The following CAPN3 variants were observed in gnomAD, a reference collection of about 807,000 sequenced individuals.
CAPN3 encodes the protein calpain 3, also known as calpain-3.
CAPN3 carries 88 observed loss-of-function variants against 114.0 expected under a neutral mutation model. The observed-to-expected ratio is 0.77, with a 90% CI of 0.65 to 0.92. The LOEUF is 0.92. Ranked by LOEUF, CAPN3 falls within the 40% of genes least tolerant of loss-of-function variation. The pLI, the probability that CAPN3 is intolerant of heterozygous loss-of-function variation, is 0.00. For synonymous variants in CAPN3, 386 were observed against 382.9 expected, an observed-to-expected ratio of 1.01 and a Z score of -0.09; for missense variants, 1,028 against 1,069.0, an observed-to-expected ratio of 0.96 and a Z score of 0.53.
At position 42,409,971 on chromosome 15, in the gene CAPN3, C is replaced by T. The variant is rs760776617; in HGVS notation, c.2091C>T (p.Cys697=). 2.5e-6 allele frequency: 4 copies of T among 1,612,190 alleles called. No homozygotes were observed. The highest frequency in any genetic ancestry group is 2.5e-6 in the Non-Finnish European group (3 of 1,179,872). The change falls in exon 19 of 24, where the codon TGC becomes TGT. Residue 697 remains cysteine (C), a synonymous_variant. Transcript: ENST00000397163. The stretch of plus-strand genomic sequence containing the variant: ...CACACGGGTTCACACTGGAGTCCTG[C>T]CGTAGCATGATTGCGCTCATGGATG... ...LKTHGFTLES[C]RSMIALMDTD... is the part of the protein sequence containing the mutation.
intron 14 of CAPN3, chr15:42,404,200 G>T: frequency 2.2e-6 from 1 of 457,888 alleles, no homozygotes. Flanking sequence ...GGGTGACCTG[G>T]ACAATTTCTG....
intron 17 of CAPN3, among the ~76,000 whole-genome samples, 192 bp downstream of exon 17, chr15:42,409,572 G>A (rs1051738584): frequency 6.6e-6 from 1 of 152,186 alleles, no homozygotes; most frequent in Non-Finnish European, 1.5e-5. Flanking sequence ...GGGGGGCTCA[G>A]AGGCCTTTTT....
chr15:42,386,596 C>T (rs113191638), intron 3 of CAPN3, among the ~76,000 whole-genome samples: 34 of 152,126 alleles, frequency 2.2e-4, no homozygotes, highest in Non-Finnish European at 4.3e-4. Flanking sequence ...TCAAGTAGGT[C>T]CCTAAGATAT....
intron 2 of CAPN3, among the ~76,000 whole-genome samples, chr15:42,385,136 TG>T (rs1566973835): frequency 6.6e-6 from 1 of 152,242 alleles, no homozygotes; most frequent in African/African-American, 2.4e-5. Flanking sequence ...GTATTGTCTT[TG>T]GTGTGGACTA....
chr15:42,378,884 C>A (rs1174061665), intron 1 of CAPN3, among the ~76,000 whole-genome samples: 2 of 151,916 alleles, frequency 1.3e-5, no homozygotes, highest in African/African-American at 2.4e-5. Context: ...TTTGAAATTT[C>A]TTCTTTGACC....
chr15:42,397,760 G>C (rs560593111), intron 9 of CAPN3, among the ~76,000 whole-genome samples: 4 of 151,638 alleles, frequency 2.6e-5, no homozygotes, highest in Admixed American at 6.6e-5. Context: ...TATATTTCTC[G>C]GGCTGGTCTC....
At chr15:42,405,057 G>C (rs139949810) in intron 14 of CAPN3, 1 of 979,164 alleles carries the variant, frequency 1.0e-6, no homozygotes, top group African/African-American at 1.8e-5. Flanking sequence ...GGGTCAACAG[G>C]AATGTTGGGG....
At chr15:42,372,202 C>T (rs1422004707) in intron 1 of CAPN3, among the ~76,000 whole-genome samples, 1 of 152,018 alleles carries the variant, frequency 6.6e-6, no homozygotes, top group African/African-American at 2.4e-5. Flanking sequence ...TCTTGTTGCC[C>T]AGGCTGGAGT....
intron 7 of CAPN3, 73 bp from the exon 8 acceptor site, chr15:42,394,183 A>G: frequency 1.4e-6 from 2 of 1,391,322 alleles, no homozygotes; most frequent in Non-Finnish European, 2.0e-6. Context: ...GCCCCGTCCC[A>G]GCCCTCAGCA....
At chr15:42,365,225 C>A (rs1048469553) in intron 1 of CAPN3, among the ~76,000 whole-genome samples, 3 of 152,222 alleles carry the variant, frequency 2.0e-5, no homozygotes, top group Non-Finnish European at 4.4e-5. Context: ...GGTTAAACTT[C>A]CCTCCATCAG....
intron 1 of CAPN3, among the ~76,000 whole-genome samples, chr15:42,366,564 T>C (rs1271083606): frequency 2.0e-5 from 3 of 152,242 alleles, no homozygotes; most frequent in African/African-American, 7.2e-5. Context: ...ATCTTCTCTC[T>C]TCTCGAGGAA....
intron 19 of CAPN3, 106 bp from the exon 20 acceptor site, chr15:42,410,322 A>G: frequency 2.0e-6 from 2 of 1,001,442 alleles, no homozygotes; most frequent in Non-Finnish European, 3.2e-6. Flanking sequence ...AGGGTTAAAT[A>G]GTACAACAGG....
At chr15:42,405,315 T>C (rs1175128809) in intron 14 of CAPN3, among the ~76,000 whole-genome samples, 1 of 152,192 alleles carries the variant, frequency 6.6e-6, no homozygotes, top group East Asian at 1.9e-4. Flanking sequence ...TATTTATTTA[T>C]TTGTTTATTT....
intron 14 of CAPN3, chr15:42,404,789 A>C (rs2053972751): frequency 2.8e-6 from 3 of 1,081,686 alleles, no homozygotes; most frequent in Admixed American, 4.7e-5. Context: ...CATAATCCTG[A>C]CCCTGAGCCA....
At chr15:42,362,432 A>G (rs2052669853) in intron 1 of CAPN3, among the ~76,000 whole-genome samples, 1 of 152,146 alleles carries the variant, frequency 6.6e-6, no homozygotes, top group South Asian at 2.1e-4. Context: ...CATGTTTGAA[A>G]TGAGGGGTGC....
intron 9 of CAPN3, among the ~76,000 whole-genome samples, chr15:42,398,628 CACACACAT>C (rs1284090458): frequency 9.8e-5 from 13 of 132,016 alleles, no homozygotes; most frequent in East Asian, 4.2e-4. Context: ...CACACACACA[CACACACAT>C]ATATATACAC....
At chr15:42,402,402 CT>C (rs1233945157) in intron 12 of CAPN3, 3 of 1,442,870 alleles carry the variant, frequency 2.1e-6, no homozygotes, top group East Asian at 5.0e-5. Flanking sequence ...CTCCTCCACG[CT>C]TACAGCCACA....
chr15:42,364,960 T>A (rs2052741110), intron 1 of CAPN3, among the ~76,000 whole-genome samples: 1 of 152,198 alleles, frequency 6.6e-6, no homozygotes, highest in African/African-American at 2.4e-5. Flanking sequence ...AAAAGGTATC[T>A]GGTCCTCTCC....
At chr15:42,386,418 C>T in intron 3 of CAPN3, 133 bp downstream of exon 3, 1 of 766,060 alleles carries the variant, frequency 1.3e-6, no homozygotes. Context: ...GGCATGGACC[C>T]CCTTAAGGCT....
Sources: allele counts gnomAD v4.1 joint callset (sites outside exome capture counted in the v4.1 genomes callset), GRCh38; gene constraint gnomAD v4.1.1; transcripts MANE v1.5; gene names NCBI Gene and HGNC (gene_info 2026-07-23, HGNC 2026-07-21).